AP1AR: variants seen among roughly 807,000 people sequenced by gnomAD.
AP1AR encodes the protein AP-1 complex-associated regulatory protein.
Under a neutral mutation model 46.3 loss-of-function variants are expected in AP1AR, and 29 were observed. The observed-to-expected ratio is 0.63, with a 90% CI of 0.47 to 0.85. The LOEUF (loss-of-function observed/expected upper bound fraction) is 0.85. Among genes scored for constraint, AP1AR ranks in the 40% least tolerant of loss-of-function variants. The probability of loss-of-function intolerance (pLI) is 0.00; values close to 1 mark genes in which losing one functional copy is unlikely to be tolerated. For missense variants in AP1AR, 357 were observed against 356.3 expected, an observed-to-expected ratio of 1.00 and a Z score of -0.02; for synonymous variants, 122 against 122.9, an observed-to-expected ratio of 0.99 and a Z score of 0.05.
intron 1 of AP1AR, among the ~76,000 whole-genome samples, chr4:112,238,225 A>C (rs1460982113): frequency 6.6e-6 from 1 of 152,248 alleles, no homozygotes; most frequent in African/African-American, 2.4e-5. Flanking sequence ...AGTATCTTAC[A>C]TTTGTTGAAT....
chr4:112,235,279 G>A (rs1725191976), intron 1 of AP1AR, among the ~76,000 whole-genome samples: 1 of 152,154 alleles, frequency 6.6e-6, no homozygotes. Flanking sequence ...TCAGATAGAA[G>A]ACCCAATTAA....
intron 5 of AP1AR, 32 bp downstream of exon 5, chr4:112,260,894 G>T (rs1049389952): frequency 7.5e-7 from 1 of 1,335,112 alleles, no homozygotes; most frequent in Admixed American, 2.0e-5. Context: ...TTAAGTACAT[G>T]TTATCATAAA....
chr4:112,266,337 A>G (rs1726705029), intron 8 of AP1AR, among the ~76,000 whole-genome samples: 1 of 151,718 alleles, frequency 6.6e-6, no homozygotes, highest in South Asian at 2.1e-4. Flanking sequence ...AGAGTTAATC[A>G]TATTTGAAAA....
chr4:112,265,786 T>A lies in AP1AR; in HGVS notation c.493T>A (p.Tyr165Asn). 6.2e-7 allele frequency: 1 copy of A among 1,609,452 alleles called. No homozygotes were observed. Residue 165 changes from tyrosine to asparagine, a missense_variant, in exon 8 of 10, where the codon TAT (tyrosine) becomes AAT (asparagine). Transcript: ENST00000274000. ...TTGTTTGAGAAATATGAAGTCACAG[T>A]ATGAAGTTTTTCGAAGTAGTAGTAA... ...ESCLRNMKSQ[Y>N]EVFRSSRLSS...
intron 5 of AP1AR, among the ~76,000 whole-genome samples, chr4:112,262,172 G>A (rs377357772): frequency 6.1e-4 from 93 of 152,170 alleles, no homozygotes; most frequent in East Asian, 5.4e-3. Flanking sequence ...AAATTCACCC[G>A]GGGTGGTGGC....
intron 8 of AP1AR, 146 bp from the exon 9 acceptor site, chr4:112,266,442 C>A: frequency 1.2e-6 from 1 of 860,388 alleles, no homozygotes. Context: ...AGAAACTTAC[C>A]AATAAAATGA....
intron 1 of AP1AR, among the ~76,000 whole-genome samples, chr4:112,234,063 G>C (rs765208387): frequency 6.6e-6 from 1 of 152,188 alleles, no homozygotes; most frequent in Admixed American, 6.5e-5. Context: ...GTTTCACCCT[G>C]TTAGCCAGAA....
intron 1 of AP1AR, among the ~76,000 whole-genome samples, chr4:112,245,494 T>C (rs1725690796): frequency 6.6e-6 from 1 of 152,186 alleles, no homozygotes; most frequent in Admixed American, 6.5e-5. Flanking sequence ...TTTACGTAAT[T>C]TTTTGTACTA....
intron 1 of AP1AR, 26 bp downstream of exon 1, chr4:112,232,200 G>T: frequency 7.9e-7 from 1 of 1,264,092 alleles, no homozygotes; most frequent in Non-Finnish European, 1.0e-6. Flanking sequence ...GAGGGGCCCG[G>T]CCCCCGTGGC....
At chr4:112,249,603 GTCGAGA>G (rs1332390337) in intron 1 of AP1AR, among the ~76,000 whole-genome samples, 1 of 151,952 alleles carries the variant, frequency 6.6e-6, no homozygotes, top group Non-Finnish European at 1.5e-5. Flanking sequence ...GTTGCAGTGA[GTCGAGA>G]TCCAGCCACT....
intron 1 of AP1AR, among the ~76,000 whole-genome samples, chr4:112,237,106 T>C (rs1304337382): frequency 6.6e-6 from 1 of 152,146 alleles, no homozygotes; most frequent in Non-Finnish European, 1.5e-5. Context: ...TAAAATACAG[T>C]GTTTTCTTTT....
intron 3 of AP1AR, among the ~76,000 whole-genome samples, chr4:112,256,983 ATAT>A (rs1560609878): frequency 6.6e-6 from 1 of 152,232 alleles, no homozygotes; most frequent in Admixed American, 6.5e-5. Context: ...TATTAAACAC[ATAT>A]TATTGATTCA....
chr4:112,257,414 G>C (rs879341024), intron 3 of AP1AR, among the ~76,000 whole-genome samples: 2 of 151,968 alleles, frequency 1.3e-5, no homozygotes, highest in Admixed American at 6.6e-5. Context: ...AAAAAATGAG[G>C]ATCAACTGTT....
chr4:112,239,587 C>T (rs1410997458), intron 1 of AP1AR, among the ~76,000 whole-genome samples: 1 of 152,188 alleles, frequency 6.6e-6, no homozygotes, highest in Non-Finnish European at 1.5e-5. Flanking sequence ...ATCCTCAAGA[C>T]CAGATGATGT....
chr4:112,232,117 G>A lies in AP1AR; in HGVS notation c.26G>A (p.Cys9Tyr). The part of the protein sequence containing the change: MGNCCWTQ[C>Y]FGLLRKEAGR... ...ATGGGGAACTGCTGCTGGACGCAGT[G>A]CTTCGGACTGCTTCGCAAGGAAGCG... The change falls in exon 1 of 10, where the codon TGC (cysteine) becomes TAC (tyrosine). Residue 9 changes from cysteine to tyrosine, a missense_variant. Physicochemically the swap from Cys to Tyr is radical, Grantham distance 194. Transcript: ENST00000274000. 1 of 1,300,914 alleles carries A rather than the reference G, an allele frequency of 7.7e-7. No individual in the cohort carries two copies. Among genetic ancestry groups the A allele is most frequent in the Non-Finnish European group, 9.8e-7 (1 of 1,016,308 alleles). 80.6% of individuals were successfully genotyped at this position (1,300,914 alleles called of 1,614,324 possible). A position where few individuals can be genotyped will look rare whatever the true frequency, so the allele number is the denominator to read the frequency against.
At chr4:112,266,478 T>G (rs529556725) in intron 8 of AP1AR, 110 bp from the exon 9 acceptor site, 1 of 1,058,830 alleles carries the variant, frequency 9.4e-7, no homozygotes, top group African/African-American at 1.7e-5. Flanking sequence ...CTTATGAAGC[T>G]AAAAGTAATA....
chr4:112,255,648 G>A (rs1442430524), intron 3 of AP1AR, among the ~76,000 whole-genome samples: 1 of 152,102 alleles, frequency 6.6e-6, no homozygotes, highest in African/African-American at 2.4e-5. Flanking sequence ...TCTGACTTTA[G>A]CCATCATCTC....
intron 6 of AP1AR, among the ~76,000 whole-genome samples, chr4:112,263,754 C>G (rs1450795504): frequency 6.6e-6 from 1 of 152,158 alleles, no homozygotes; most frequent in Non-Finnish European, 1.5e-5. Flanking sequence ...CTTATTTAAT[C>G]CTCACAACAA....
intron 1 of AP1AR, among the ~76,000 whole-genome samples, chr4:112,245,254 T>A (rs1725676628): frequency 6.6e-6 from 1 of 152,182 alleles, no homozygotes; most frequent in Non-Finnish European, 1.5e-5. Flanking sequence ...TTTTTTCTTA[T>A]AAGAATGCTC....
Sources: gnomAD v4.1 joint callset for allele counts (sites outside exome capture counted in the v4.1 genomes callset) on GRCh38, gnomAD v4.1.1 for gene constraint, MANE v1.5 for transcripts, NCBI Gene and HGNC (gene_info 2026-07-23, HGNC 2026-07-21) for gene names.